DCDC1: variants seen among roughly 807,000 people sequenced by gnomAD.
DCDC1 encodes the protein doublecortin domain-containing protein 1.
A neutral mutation model predicts 178.3 loss-of-function variants in DCDC1; 200 were observed. The observed-to-expected ratio is 1.12, with a 90% CI of 1.00 to 1.26. DCDC1 has a LOEUF of 1.26. Among genes scored for constraint, DCDC1 ranks in the 50% most tolerant of loss-of-function variants. The pLI is 0.00. For synonymous variants in DCDC1, 690 were observed against 604.8 expected, an observed-to-expected ratio of 1.14 and a Z score of -2.07; for missense variants, 1,983 against 1,749.2, an observed-to-expected ratio of 1.13 and a Z score of -2.38.
rs537279838 is a variant in DCDC1 at position 31,341,557 on chromosome 11, T to A, written c.-124-5993A>T. On this transcript the variant is annotated intron_variant, in intron 1 of 38. Coordinates refer to ENST00000684477, the MANE Select transcript of DCDC1 (RefSeq NM_001387274.1). The stretch of plus-strand genomic sequence containing the variant: ...TAGATGGCATACTATACACCTAGCC[T>A]CTATAGTATAGCTGATTGGTCCTAG... Among the ~76,000 whole-genome samples, 144 of 152,288 alleles carry A rather than the reference T, an allele frequency of 9.5e-4. 3 individuals carry two copies. In the South Asian group the frequency reaches 0.028, roughly 30 times the overall value.
intron 3 of DCDC1, among the ~76,000 whole-genome samples, chr11:31,312,981 C>T (rs1022292540): frequency 2.0e-5 from 3 of 151,754 alleles, no homozygotes; most frequent in African/African-American, 4.8e-5. Flanking sequence ...CAGAGCAAGA[C>T]CTCGTCTCTA....
chr11:31,300,929 T>G (rs1591693263), intron 6 of DCDC1, among the ~76,000 whole-genome samples: 1 of 152,202 alleles, frequency 6.6e-6, no homozygotes, highest in East Asian at 1.9e-4. Context: ...ATTTGGTATT[T>G]GACAATACAA....
intron 10 of DCDC1, among the ~76,000 whole-genome samples, chr11:31,128,019 T>G (rs1416698830): frequency 6.6e-6 from 1 of 152,116 alleles, no homozygotes; most frequent in Non-Finnish European, 1.5e-5. Context: ...ACCAAATATT[T>G]CATTTCACTA....
At chr11:31,045,376 AT>A (rs1326327305) in intron 20 of DCDC1, among the ~76,000 whole-genome samples, 1 of 147,352 alleles carries the variant, frequency 6.8e-6, no homozygotes, top group African/African-American at 2.5e-5. Context: ...ATTTGACCCC[AT>A]TTTTTCTTTT....
intron 23 of DCDC1, among the ~76,000 whole-genome samples, chr11:30,923,586 A>G (rs1946400057): frequency 6.7e-6 from 1 of 150,300 alleles, no homozygotes; most frequent in East Asian, 2.0e-4. Flanking sequence ...TTGTGTATGA[A>G]GACCCAGGGG....
intron 15 of DCDC1, among the ~76,000 whole-genome samples, chr11:31,099,500 T>C (rs779767659): frequency 6.6e-6 from 1 of 152,150 alleles, no homozygotes; most frequent in Non-Finnish European, 1.5e-5. Flanking sequence ...TACGCTGATG[T>C]AGCCTGAAAT....
intron 21 of DCDC1, among the ~76,000 whole-genome samples, chr11:30,951,783 G>GA (rs1263303554): frequency 1.3e-5 from 2 of 151,420 alleles, no homozygotes; most frequent in Non-Finnish European, 2.9e-5. Flanking sequence ...AATGTAATGA[G>GA]AAAAAAAACA....
chr11:30,874,723 C>T (rs946686189), intron 38 of DCDC1, among the ~76,000 whole-genome samples: 3 of 152,126 alleles, frequency 2.0e-5, no homozygotes, highest in African/African-American at 7.2e-5. Flanking sequence ...AGATGACCAC[C>T]GAACTGCCTC....
chr11:31,165,595 G>A (rs1207473722), intron 9 of DCDC1, among the ~76,000 whole-genome samples: 2 of 152,204 alleles, frequency 1.3e-5, no homozygotes, highest in Non-Finnish European at 2.9e-5. Flanking sequence ...ACAGGCATGA[G>A]CCACTGCACC....
intron 20 of DCDC1, among the ~76,000 whole-genome samples, chr11:31,047,081 T>G (rs974062441): frequency 1.3e-5 from 2 of 152,148 alleles, no homozygotes; most frequent in East Asian, 1.9e-4. Flanking sequence ...CGTATCCTCA[T>G]GTACTGCTGT....
At chr11:30,888,713 G>A (rs532418494) in intron 36 of DCDC1, among the ~76,000 whole-genome samples, 10 of 152,226 alleles carry the variant, frequency 6.6e-5, no homozygotes, top group African/African-American at 1.7e-4. Context: ...GTGGAACTCC[G>A]TGTCAAAAGG....
At chr11:30,887,422 T>G (rs1358617709) in intron 36 of DCDC1, among the ~76,000 whole-genome samples, 2 of 152,312 alleles carry the variant, frequency 1.3e-5, no homozygotes, top group African/African-American at 4.8e-5. Flanking sequence ...TTAAATTGGC[T>G]TCTTTTAACA....
At chr11:31,026,344 C>G (rs530210801) in intron 20 of DCDC1, among the ~76,000 whole-genome samples, 3 of 151,854 alleles carry the variant, frequency 2.0e-5, no homozygotes, top group African/African-American at 4.8e-5. Flanking sequence ...GGCTGTTCCA[C>G]TGTGGATCAA....
chr11:31,241,809 C>T (rs1977171346), intron 8 of DCDC1, 193 bp from the exon 9 acceptor site: 1 of 353,270 alleles, frequency 2.8e-6, no homozygotes, highest in African/African-American at 2.1e-5. Context: ...TGAGACACCC[C>T]CCATGCAAGA....
At chr11:30,954,005 C>CTT (rs5790847) in intron 20 of DCDC1, among the ~76,000 whole-genome samples, 2,104 of 76,568 alleles carry the variant, frequency 0.027, 164 homozygotes, top group African/African-American at 0.08. Context: ...TACAACAATT[C>CTT]TTTTTTTTTT....
chr11:31,220,832 C>A (rs1206142518), intron 9 of DCDC1, among the ~76,000 whole-genome samples: 1 of 152,072 alleles, frequency 6.6e-6, no homozygotes, highest in African/African-American at 2.4e-5. Flanking sequence ...GATCAGAGTG[C>A]GAGTATGGTC....
chr11:31,345,591 A>G (rs535686890), intron 1 of DCDC1, among the ~76,000 whole-genome samples: 52 of 152,190 alleles, frequency 3.4e-4, no homozygotes, highest in African/African-American at 1.1e-3. Context: ...TGAAAAGTAA[A>G]AAAAAAAATA....
chr11:30,973,976 C>A (rs1017424341), intron 20 of DCDC1, among the ~76,000 whole-genome samples: 7 of 152,064 alleles, frequency 4.6e-5, no homozygotes, highest in Non-Finnish European at 7.4e-5. Context: ...CCAGGATAGA[C>A]CATTTGTTAG....
rs189238498 is a variant in DCDC1, at chr11:31,349,881, G to A, written c.-124-14317C>T. Among the ~76,000 whole-genome samples the A allele has an allele frequency of 1.4e-4, 22 of 152,198 alleles. No homozygotes were observed. In the East Asian group the frequency reaches 2.7e-3, roughly 19 times the overall value. ...ATACAGCTGGGTTCACTGAATGAGC[G>A]TATGTTACTAAATATTTACTATGTT... On this transcript the variant is annotated intron_variant, in intron 1 of 38. Transcript: ENST00000684477.
Sources: allele counts gnomAD v4.1 joint callset (sites outside exome capture counted in the v4.1 genomes callset), GRCh38; gene constraint gnomAD v4.1.1; transcripts MANE v1.5; gene names NCBI Gene and HGNC (gene_info 2026-07-23, HGNC 2026-07-21).